ZNF487: variants seen among roughly 807,000 people sequenced by gnomAD.
ZNF487 encodes the protein zinc finger protein 487.
A neutral mutation model predicts 3.0 loss-of-function variants in ZNF487; 4 were observed. That is an observed-to-expected ratio of 1.35 (90% CI 0.66 to 3.08). ZNF487 has a LOEUF of 3.08. Among genes scored for constraint, ZNF487 ranks in the 30% most tolerant of loss-of-function variants. The pLI is 0.01. For missense variants in ZNF487, 146 were observed against 98.7 expected (o/e 1.48, Z -2.03); for synonymous variants, 55 against 34.6 (o/e 1.59, Z -2.06).
At chr10:43,489,096 G>C in the ZNF487 span, among the ~76,000 whole-genome samples, 1 of 152,090 alleles carries the variant, frequency 6.6e-6, no homozygotes, top group Admixed American at 6.6e-5. Flanking sequence ...ACAGACCCTG[G>C]CTCAAAAAGA....
chr10:43,510,218 T>C, the ZNF487 span, among the ~76,000 whole-genome samples: 2 of 152,224 alleles, frequency 1.3e-5, no homozygotes, highest in Non-Finnish European at 2.9e-5. Context: ...GGTCACATGG[T>C]CATAGCTGGT....
intron 2 of ZNF487, 115 bp downstream of exon 2, chr10:43,475,962 G>T: frequency 1.5e-6 from 1 of 650,094 alleles, no homozygotes; most frequent in South Asian, 1.8e-5. Flanking sequence ...AGGAGTTGAA[G>T]CTTGATTGAT....
At chr10:43,467,397 G>A (rs527688938) in intron 1 of ZNF487, among the ~76,000 whole-genome samples, 13 of 151,422 alleles carry the variant, frequency 8.6e-5, no homozygotes, top group African/African-American at 2.9e-4. Context: ...TAGAGACAGG[G>A]TTTCACCATA....
the ZNF487 span, among the ~76,000 whole-genome samples, chr10:43,493,709 A>ATATAT: frequency 2.3e-5 from 1 of 43,688 alleles, no homozygotes; most frequent in African/African-American, 8.7e-5. Flanking sequence ...AAAAAAAAAA[A>ATATAT]ATATATATAT....
upstream of ZNF487, chr10:43,437,061 T>G (rs1271140500): frequency 2.5e-5 from 8 of 313,868 alleles, no homozygotes; most frequent in Non-Finnish European, 4.4e-5. Flanking sequence ...AGCGCTGGAC[T>G]GGCGGGCGCC....
At chr10:43,448,094 A>G (rs1427092566) in intron 1 of ZNF487, among the ~76,000 whole-genome samples, 2 of 142,300 alleles carry the variant, frequency 1.4e-5, no homozygotes, top group Non-Finnish European at 3.0e-5. Context: ...GGTTCACGCT[A>G]TTCTCCTGCC....
Position 43,474,338 on chromosome 10 carries a change from C to T in ZNF487, c.-93-1383C>T, listed in dbSNP as rs111669246. 7.9e-3 allele frequency among the ~76,000 whole-genome samples: 1,202 copies of T among 151,408 alleles called. 17 individuals are homozygous for T. The highest frequency in any genetic ancestry group is 0.028 in the African/African-American group (1,146 of 41,272). On this transcript the variant is annotated intron_variant, in intron 1 of 3. Coordinates refer to ENST00000437590, the MANE Select transcript of ZNF487 (RefSeq NM_001355444.3). Reference sequence around the variant, plus strand: ...GCGTGGTGGTGCGCCCCTGTAACCCCAGCTACTCAGGAGGCTGAAGCAGGA... The same window carrying T: ...GCGTGGTGGTGCGCCCCTGTAACCCTAGCTACTCAGGAGGCTGAAGCAGGA...
At chr10:43,502,168 T>G in the ZNF487 span, among the ~76,000 whole-genome samples, 3 of 152,146 alleles carry the variant, frequency 2.0e-5, no homozygotes, top group Non-Finnish European at 2.9e-5. Flanking sequence ...TTAAGAAAAT[T>G]TGGCACATAT....
rs1395792363 is a variant in ZNF487, at chr10:43,482,496, G to A, written c.*574G>A. 1 of 473,816 alleles carries A rather than the reference G, an allele frequency of 2.1e-6. No homozygotes were observed. Among genetic ancestry groups the A allele is most frequent in the East Asian group, 6.6e-5 (1 of 15,038 alleles). 29.4% of individuals were successfully genotyped at this position (473,816 alleles called of 1,614,324 possible). A position where few individuals can be genotyped will look rare whatever the true frequency, so the allele number is the denominator to read the frequency against. ...AGAACACACACGGGACAAAACCTAT[G>A]AATGTAATGAATGTGGAAAAAACTT... On this transcript the variant is annotated 3_prime_UTR_variant, in exon 4 of 4. Transcript: ENST00000437590.
intron 1 of ZNF487, among the ~76,000 whole-genome samples, chr10:43,470,823 C>G (rs1244966777): frequency 6.6e-6 from 1 of 151,902 alleles, no homozygotes; most frequent in Non-Finnish European, 1.5e-5. Context: ...TTTGCCTTAA[C>G]TTTTTCCTTT....
the ZNF487 span, among the ~76,000 whole-genome samples, chr10:43,493,999 C>A: frequency 6.7e-6 from 1 of 150,326 alleles, no homozygotes; most frequent in Non-Finnish European, 1.5e-5. Context: ...CCACTGCACT[C>A]CAGCTTAGGC....
intron 1 of ZNF487, among the ~76,000 whole-genome samples, chr10:43,472,037 TG>T (rs1423061240): frequency 2.6e-5 from 4 of 152,206 alleles, no homozygotes; most frequent in Non-Finnish European, 2.9e-5. Flanking sequence ...GAGGTTTCAC[TG>T]GGGACCTGCC....
At chr10:43,507,698 C>T in the ZNF487 span, among the ~76,000 whole-genome samples, 4 of 152,184 alleles carry the variant, frequency 2.6e-5, no homozygotes, top group Non-Finnish European at 5.9e-5. Context: ...AGCTTGTTGG[C>T]TCCCACCTGG....
the ZNF487 span, among the ~76,000 whole-genome samples, chr10:43,496,490 A>G: frequency 6.6e-6 from 1 of 152,186 alleles, no homozygotes. Context: ...GAGAGGAGGC[A>G]TGGATATTAG....
At chr10:43,506,828 G>A in the ZNF487 span, among the ~76,000 whole-genome samples, 1 of 152,192 alleles carries the variant, frequency 6.6e-6, no homozygotes, top group African/African-American at 2.4e-5. Flanking sequence ...CACGACCCAA[G>A]GGTAGGAATT....
chr10:43,465,437 A>G lies in ZNF487; in HGVS notation c.-93-10284A>G, dbSNP rs575930091. ...GGGCTCCTCACTTCTCAGATGGGGC[A>G]GCTGCCGGGCAGAGGGTCTCCTCGC... is the stretch of plus-strand genomic sequence containing the variant. On this transcript the variant is annotated intron_variant, in intron 1 of 3. Transcript: ENST00000437590. Among the ~76,000 whole-genome samples the G allele has an allele frequency of 6.5e-3, 908 of 138,952 alleles. 8 individuals carry two copies. The highest frequency in any genetic ancestry group is 0.02 in the African/African-American group (717 of 36,350). The allele number at this position is 138,952 out of a possible 152,430, so 91.2% of individuals were successfully genotyped here. A position where few individuals can be genotyped will look rare whatever the true frequency, so the allele number is the denominator to read the frequency against.
At chr10:43,439,631 G>A (rs1227098895) in intron 1 of ZNF487, among the ~76,000 whole-genome samples, 1 of 152,116 alleles carries the variant, frequency 6.6e-6, no homozygotes, top group Non-Finnish European at 1.5e-5. Flanking sequence ...TTGAACCTGG[G>A]AGGTGGAGGT....
the ZNF487 span, among the ~76,000 whole-genome samples, chr10:43,512,207 C>T: frequency 6.6e-6 from 1 of 152,202 alleles, no homozygotes; most frequent in African/African-American, 2.4e-5. Flanking sequence ...CTCTTTTCCT[C>T]TGTTCACTGA....
chr10:43,465,923 T>C (rs10400094), intron 1 of ZNF487, among the ~76,000 whole-genome samples: 19,289 of 151,888 alleles, frequency 0.13, 2,554 homozygotes, highest in African/African-American at 0.35. Context: ...AACGAGACTC[T>C]GTCTGCAATC....
Sources: gnomAD v4.1 joint callset for allele counts (sites outside exome capture counted in the v4.1 genomes callset) on GRCh38, gnomAD v4.1.1 for gene constraint, MANE v1.5 for transcripts, NCBI Gene and HGNC (gene_info 2026-07-23, HGNC 2026-07-21) for gene names.